The following KCNIP4 variants were observed in gnomAD, a reference collection of about 807,000 sequenced individuals.
The protein encoded by KCNIP4 is potassium voltage-gated channel interacting protein 4, also known as Kv channel-interacting protein 4.
A neutral mutation model predicts 34.0 loss-of-function variants in KCNIP4; 12 were observed. That is an observed-to-expected ratio of 0.35 (90% CI 0.23 to 0.57). The LOEUF is 0.57. Ranked by LOEUF, KCNIP4 falls within the 20% of genes least tolerant of loss-of-function variation. KCNIP4 has a pLI of 0.83. For missense variants in KCNIP4, 238 were observed against 311.7 expected, an observed-to-expected ratio of 0.76 and a Z score of 1.78; for synonymous variants, 124 against 102.2, an observed-to-expected ratio of 1.21 and a Z score of -1.29.
chr4:21,681,077 CTTTATT>C (rs1173108824), intron 1 of KCNIP4, among the ~76,000 whole-genome samples: 1 of 151,894 alleles, frequency 6.6e-6, no homozygotes, highest in Non-Finnish European at 1.5e-5. Flanking sequence ...AAATCTTTTT[CTTTATT>C]TTTATTTTTT....
At chr4:21,301,174 C>T (rs1711628482) in intron 1 of KCNIP4, among the ~76,000 whole-genome samples, 1 of 152,092 alleles carries the variant, frequency 6.6e-6, no homozygotes, top group Non-Finnish European at 1.5e-5. Context: ...TGAAGGAGAA[C>T]TCAAATCACT....
At chr4:21,934,687 C>T (rs972342796) in intron 1 of KCNIP4, among the ~76,000 whole-genome samples, 1 of 152,006 alleles carries the variant, frequency 6.6e-6, no homozygotes, top group African/African-American at 2.4e-5. Flanking sequence ...ACGTGCCACC[C>T]TCCACTCTTC....
chr4:20,929,855 T>TA lies in KCNIP4; in HGVS notation c.62-47147dup, dbSNP rs56802948. On this transcript the variant is annotated intron_variant, in intron 1 of 8. Transcript: ENST00000382152. ...TATACCGATAACTATAAACCTTTGATAAAAAAAGTTGAAGAAGACACATAT... is the reference window on the plus strand; with the variant it reads ...TATACCGATAACTATAAACCTTTGATAAAAAAAAGTTGAAGAAGACACATAT... 1.8e-3 allele frequency among the ~76,000 whole-genome samples: 275 copies of TA among 151,870 alleles called. 2 individuals are homozygous for TA. The highest frequency in any genetic ancestry group is 6.3e-3 in the African/African-American group (261 of 41,448).
rs919851735 is a variant in KCNIP4 at position 21,121,702 on chromosome 4, A to C, written c.62-238993T>G. ...AAAGGAGAAGTAAGTGAGATATTGC[A>C]TACAAAACAACAAGCATATTGCCCA... On this transcript the variant is annotated intron_variant, in intron 1 of 8. Transcript: ENST00000382152. 6.6e-4 allele frequency among the ~76,000 whole-genome samples: 101 copies of C among 152,354 alleles called. 1 individual carries two copies. Among genetic ancestry groups the C allele is most frequent in the African/African-American group, 2.1e-3 (88 of 41,592 alleles).
chr4:21,263,057 T>A (rs902307604), intron 1 of KCNIP4, among the ~76,000 whole-genome samples: 1 of 152,218 alleles, frequency 6.6e-6, no homozygotes, highest in African/African-American at 2.4e-5. Context: ...GTTTCCATGA[T>A]GTCCATCAAG....
At chr4:21,320,185 AT>A (rs1469004828) in intron 1 of KCNIP4, among the ~76,000 whole-genome samples, 1 of 152,218 alleles carries the variant, frequency 6.6e-6, no homozygotes, top group Non-Finnish European at 1.5e-5. Flanking sequence ...AACAAACACA[AT>A]TTCATCTGAT....
chr4:20,792,425 G>A (rs995524810), intron 3 of KCNIP4, among the ~76,000 whole-genome samples: 3 of 151,720 alleles, frequency 2.0e-5, no homozygotes, highest in African/African-American at 7.3e-5. Context: ...AAATAGCAAT[G>A]CAACATATGT....
At chr4:20,808,135 A>G (rs1353789338) in intron 3 of KCNIP4, among the ~76,000 whole-genome samples, 1 of 152,166 alleles carries the variant, frequency 6.6e-6, no homozygotes, top group African/African-American at 2.4e-5. Context: ...AAAACTGTTG[A>G]ATATATGAGT....
chr4:20,983,666 A>C (rs1736309877), intron 1 of KCNIP4: 2 of 619,748 alleles, frequency 3.2e-6, no homozygotes, highest in South Asian at 4.1e-5. Context: ...AACCAAAATG[A>C]ACTGTCCAGC....
In KCNIP4 at chr4:21,499,288, G is replaced by A. The variant is rs1186502715; in HGVS notation, c.61+449283C>T. Among the ~76,000 whole-genome samples the A allele has an allele frequency of 5.5e-5, 8 of 144,844 alleles. No individual in the cohort carries two copies. In the South Asian group the frequency reaches 1.9e-3, roughly 34 times the overall value. On this transcript the variant is annotated intron_variant, in intron 1 of 8. Coordinates refer to ENST00000382152, the MANE Select transcript of KCNIP4 (RefSeq NM_025221.6). The stretch of plus-strand genomic sequence containing the variant: ...GGAGGTTGCAGTGAGCCAACATCAT[G>A]TCACTGCACTCCAGTCTGGGTGACA...
intron 1 of KCNIP4, among the ~76,000 whole-genome samples, chr4:21,369,923 G>A (rs1350302642): frequency 2.8e-5 from 4 of 145,390 alleles, no homozygotes; most frequent in Non-Finnish European, 5.9e-5. Context: ...TGCCTCCCGG[G>A]TTCACACCAT....
chr4:21,639,366 A>G (rs546994583), intron 1 of KCNIP4, among the ~76,000 whole-genome samples: 1 of 152,310 alleles, frequency 6.6e-6, no homozygotes, highest in African/African-American at 2.4e-5. Context: ...ACAAAAAGAC[A>G]CGAAATACCT....
At chr4:21,900,668 A>G (rs1381458316) in intron 1 of KCNIP4, among the ~76,000 whole-genome samples, 1 of 152,184 alleles carries the variant, frequency 6.6e-6, no homozygotes, top group Non-Finnish European at 1.5e-5. Context: ...AAAAATTTGC[A>G]TCTTAAGTTT....
chr4:21,415,964 G>A (rs1000525052), intron 1 of KCNIP4, among the ~76,000 whole-genome samples: 1 of 152,124 alleles, frequency 6.6e-6, no homozygotes, highest in Admixed American at 6.6e-5. Flanking sequence ...TTCCGACGTA[G>A]GCATTTTAAT....
At chr4:20,975,822 T>C (rs1735434071) in intron 1 of KCNIP4, among the ~76,000 whole-genome samples, 1 of 152,170 alleles carries the variant, frequency 6.6e-6, no homozygotes, top group Non-Finnish European at 1.5e-5. Flanking sequence ...CAGCTAAACA[T>C]TGTTTCACAT....
chr4:21,694,784 ATGTT>A (rs576734333), intron 1 of KCNIP4, among the ~76,000 whole-genome samples: 201 of 152,086 alleles, frequency 1.3e-3, no homozygotes, highest in Admixed American at 2.4e-3. Context: ...CCAATATTCT[ATGTT>A]TGTATAAATG....
At chr4:21,681,412 C>T (rs1339497841) in intron 1 of KCNIP4, among the ~76,000 whole-genome samples, 1 of 152,100 alleles carries the variant, frequency 6.6e-6, no homozygotes, top group African/African-American at 2.4e-5. Flanking sequence ...CAGCCAGGGG[C>T]TTCTTCATCT....
chr4:21,647,925 G>T (rs1256416178), intron 1 of KCNIP4, among the ~76,000 whole-genome samples: 4 of 137,294 alleles, frequency 2.9e-5, no homozygotes, highest in Admixed American at 8.0e-5. Context: ...CCAGGCTGGA[G>T]TGCAGTGGCG....
intron 5 of KCNIP4, among the ~76,000 whole-genome samples, chr4:20,748,669 A>G (rs1752964895): frequency 6.8e-6 from 1 of 147,018 alleles, no homozygotes; most frequent in Non-Finnish European, 1.5e-5. Flanking sequence ...CAAAATATGT[A>G]TAATGCTACT....
Sources: allele counts gnomAD v4.1 joint callset (sites outside exome capture counted in the v4.1 genomes callset), GRCh38; gene constraint gnomAD v4.1.1; transcripts MANE v1.5; gene names NCBI Gene and HGNC (gene_info 2026-07-23, HGNC 2026-07-21).